TSHR: variants seen among roughly 807,000 people sequenced by gnomAD.
TSHR encodes thyroid stimulating hormone receptor.
A neutral mutation model predicts 64.1 loss-of-function variants in TSHR; 51 were observed. That is an observed-to-expected ratio of 0.80 (90% CI 0.64 to 1.01). The LOEUF (loss-of-function observed/expected upper bound fraction) is 1.01, where lower values mean the gene tolerates loss of function less well. TSHR is among the 50% of genes least tolerant of loss of function. TSHR has a pLI of 0.00. For missense variants in TSHR, 877 were observed against 942.8 expected (o/e 0.93, Z 0.91); for synonymous variants, 361 against 361.9 (o/e 1.00, Z 0.03).
In TSHR at chr14:81,067,483, TTATA is replaced by T. The variant is rs71103896; in HGVS notation, c.243-752_243-749del. 8.9e-5 allele frequency among the ~76,000 whole-genome samples: 12 copies of T among 134,970 alleles called. No homozygotes were observed. The East Asian group carries it at 1.5e-3, about 17-fold the overall frequency. The allele number at this position is 134,970 out of a possible 152,430, so 88.5% of individuals were successfully genotyped here. A position where few individuals can be genotyped will look rare whatever the true frequency, so the allele number is the denominator to read the frequency against. On this transcript the variant is annotated intron_variant, in intron 2 of 9. Coordinates refer to ENST00000298171, the MANE Select transcript of TSHR (RefSeq NM_000369.5). Reference sequence around the variant, plus strand: ...TAATTAGTGAAAGGAGTTTATAGTTTTATATATATATATATATATATAGTGATAT... The same window carrying T: ...TAATTAGTGAAAGGAGTTTATAGTTTTATATATATATATATATAGTGATAT...
At chr14:80,969,699 A>G (rs1308771008) in intron 1 of TSHR, among the ~76,000 whole-genome samples, 3 of 152,154 alleles carry the variant, frequency 2.0e-5, no homozygotes, top group Non-Finnish European at 4.4e-5. Flanking sequence ...CCAAAACTGG[A>G]TGGCATTTAT....
At chr14:81,122,189 G>GC (rs2140067279) in intron 8 of TSHR, among the ~76,000 whole-genome samples, 1 of 150,670 alleles carries the variant, frequency 6.6e-6, no homozygotes, top group Non-Finnish European at 1.5e-5. Context: ...GATTACAGGT[G>GC]CCAACACCAT....
chr14:81,070,453 CTTG>C (rs1886975633), intron 3 of TSHR, among the ~76,000 whole-genome samples: 2 of 151,732 alleles, frequency 1.3e-5, no homozygotes, highest in South Asian at 4.2e-4. Context: ...ATGGTGAAAC[CTTG>C]TCTCTACTAA....
At chr14:80,968,315 A>G (rs925324479) in intron 1 of TSHR, among the ~76,000 whole-genome samples, 4 of 152,032 alleles carry the variant, frequency 2.6e-5, no homozygotes, top group African/African-American at 7.2e-5. Context: ...CAAGCTTTTC[A>G]TTATGTCTAG....
chr14:80,958,069 T>C (rs1886798703), intron 1 of TSHR: 1 of 152,086 alleles, frequency 6.6e-6, no homozygotes, highest in Non-Finnish European at 1.5e-5. Context: ...TCTGCAACAG[T>C]AGAAAAATGA....
chr14:81,024,305 G>A (rs2139807700), intron 1 of TSHR, among the ~76,000 whole-genome samples: 1 of 152,100 alleles, frequency 6.6e-6, no homozygotes, highest in East Asian at 1.9e-4. Context: ...CTGGAGTGCA[G>A]TGGCGCAATC....
intron 1 of TSHR, chr14:81,052,662 C>T (rs1885501697): frequency 6.6e-6 from 1 of 152,114 alleles, no homozygotes; most frequent in African/African-American, 2.4e-5. Context: ...ATTAATTCTT[C>T]CAATTCATGA....
intron 1 of TSHR, chr14:81,033,321 G>A (rs912104247): frequency 2.2e-5 from 8 of 368,864 alleles, no homozygotes; most frequent in South Asian, 5.2e-5. Flanking sequence ...AAGACACTCC[G>A]AGAGTGAAGA....
intron 8 of TSHR, among the ~76,000 whole-genome samples, chr14:81,125,816 A>C (rs1890998378): frequency 6.6e-6 from 1 of 151,890 alleles, no homozygotes; most frequent in Non-Finnish European, 1.5e-5. Flanking sequence ...ACCCATGCCA[A>C]AGGAGCCGAG....
At chr14:81,140,794 G>A (rs1891650888) in intron 9 of TSHR, among the ~76,000 whole-genome samples, 1 of 152,146 alleles carries the variant, frequency 6.6e-6, no homozygotes, top group Non-Finnish European at 1.5e-5. Context: ...ATCTAGGTGT[G>A]AGGGCAGAAG....
At chr14:81,015,210 G>T (rs533168188) in intron 1 of TSHR, among the ~76,000 whole-genome samples, 1 of 152,216 alleles carries the variant, frequency 6.6e-6, no homozygotes, top group Admixed American at 6.5e-5. Flanking sequence ...TTGCCATGAA[G>T]TTTTACACTG....
At chr14:81,097,672 T>C (rs936612128) in intron 7 of TSHR, among the ~76,000 whole-genome samples, 2 of 152,170 alleles carry the variant, frequency 1.3e-5, no homozygotes, top group African/African-American at 4.8e-5. Context: ...GTGATTTTGG[T>C]TGATGTTCTG....
rs767212435 is a variant in TSHR, at chr14:81,062,225, T to G, written c.242+6T>G. On this transcript the variant is annotated splice_donor_region_variant and intron_variant, in intron 2 of 9. Coordinates refer to ENST00000298171, the MANE Select transcript of TSHR (RefSeq NM_000369.5). The stretch of plus-strand genomic sequence containing the variant: ...CTGCCCAATATTTCCAGAATGTAAG[T>G]TTTTTTAATATAAAGAAAAGTTTGC... 62 of 1,604,870 alleles carry G rather than the reference T, an allele frequency of 3.9e-5. No individual in the cohort carries two copies. The highest frequency in any genetic ancestry group is 5.0e-5 in the Non-Finnish European group (59 of 1,173,362).
chr14:81,141,153 C>T (rs1359484606), intron 9 of TSHR, among the ~76,000 whole-genome samples: 1 of 152,064 alleles, frequency 6.6e-6, no homozygotes, highest in Non-Finnish European at 1.5e-5. Context: ...CATGCACACA[C>T]ACACACAAAG....
intron 8 of TSHR, among the ~76,000 whole-genome samples, chr14:81,121,637 T>A (rs1413726787): frequency 6.6e-6 from 1 of 152,012 alleles, no homozygotes; most frequent in African/African-American, 2.4e-5. Context: ...AAGAGGAAGG[T>A]CTTCTAGAAA....
intron 7 of TSHR, among the ~76,000 whole-genome samples, chr14:81,098,211 T>C (rs1283056718): frequency 2.0e-5 from 3 of 152,302 alleles, no homozygotes; most frequent in East Asian, 3.9e-4. Flanking sequence ...AAGGGCAAAG[T>C]ACATTAGGGA....
At chr14:81,118,478 A>G (rs1489258408) in intron 8 of TSHR, among the ~76,000 whole-genome samples, 1 of 147,524 alleles carries the variant, frequency 6.8e-6, no homozygotes, top group Non-Finnish European at 1.5e-5. Flanking sequence ...AGGGATGTGA[A>G]GGACCTCTTC....
At chr14:80,969,305 A>C (rs1887475807) in intron 1 of TSHR, among the ~76,000 whole-genome samples, 1 of 152,184 alleles carries the variant, frequency 6.6e-6, no homozygotes. Flanking sequence ...CTCTGCCATG[A>C]AATGCATCCC....
At chr14:81,132,889 T>C (rs1891307587) in intron 8 of TSHR, among the ~76,000 whole-genome samples, 1 of 152,212 alleles carries the variant, frequency 6.6e-6, no homozygotes, top group Non-Finnish European at 1.5e-5. Flanking sequence ...GACAGGTTTA[T>C]TTTAGGAAAG....
Sources: gnomAD v4.1 joint callset for allele counts (sites outside exome capture counted in the v4.1 genomes callset) on GRCh38, gnomAD v4.1.1 for gene constraint, MANE v1.5 for transcripts, NCBI Gene and HGNC (gene_info 2026-07-23, HGNC 2026-07-21) for gene names.